Variants in ATP13A3 observed in about 807,000 individuals in gnomAD.
The protein encoded by ATP13A3 is polyamine-transporting ATPase 13A3.
ATP13A3 carries 59 observed loss-of-function variants against 158.1 expected under a neutral mutation model. The ratio of observed to expected loss-of-function variants is 0.37; its 90% CI spans 0.30 to 0.46. ATP13A3 has a LOEUF of 0.46. Among genes scored for constraint, ATP13A3 ranks in the 20% least tolerant of loss-of-function variants. The pLI, the probability that ATP13A3 is intolerant of heterozygous loss-of-function variation, is 1.00. For missense variants in ATP13A3, 1,166 were observed against 1,525.2 expected, an observed-to-expected ratio of 0.76 and a Z score of 3.92; for synonymous variants, 491 against 504.3, an observed-to-expected ratio of 0.97 and a Z score of 0.35.
chr3:194,472,628 C>T (rs1464348778), intron 2 of ATP13A3, among the ~76,000 whole-genome samples: 2 of 152,090 alleles, frequency 1.3e-5, no homozygotes, highest in African/African-American at 2.4e-5. Flanking sequence ...ACTATTCAAC[C>T]CAGCAATCCC....
chr3:194,434,742 C>A lies in ATP13A3; in HGVS notation c.2121-846G>T, dbSNP rs139317280. On this transcript the variant is annotated intron_variant, in intron 20 of 33. Coordinates refer to ENST00000645319, the MANE Select transcript of ATP13A3 (RefSeq NM_001367549.1). ...GGCCAGCCTGGGCAGCATAGTGAGA[C>A]CCCGTCTCTACAAAAAATGAAAAAA... 4.7e-3 allele frequency among the ~76,000 whole-genome samples: 719 copies of A among 152,176 alleles called. 7 individuals carry two copies. Among genetic ancestry groups the A allele is most frequent in the African/African-American group, 0.015 (638 of 41,518 alleles).
chr3:194,431,525 T>C (rs993270659), intron 22 of ATP13A3, among the ~76,000 whole-genome samples, 192 bp downstream of exon 22: 2 of 152,226 alleles, frequency 1.3e-5, no homozygotes, highest in East Asian at 1.9e-4. Flanking sequence ...CTTAGCTAAA[T>C]ATCAAAATTT....
chr3:194,452,955 T>C (rs186548658), intron 10 of ATP13A3: 1 of 152,266 alleles, frequency 6.6e-6, no homozygotes, highest in African/African-American at 2.4e-5. Flanking sequence ...AATACAATTT[T>C]ATATAAATAA....
chr3:194,477,813 AT>A (rs1720590977), intron 2 of ATP13A3, among the ~76,000 whole-genome samples: 1 of 152,180 alleles, frequency 6.6e-6, no homozygotes, highest in Admixed American at 6.5e-5. Flanking sequence ...ACTCCTACAG[AT>A]TAGCTGCAGT....
At chr3:194,426,063 G>A (rs113473863) in intron 29 of ATP13A3, among the ~76,000 whole-genome samples, 25 of 152,298 alleles carry the variant, frequency 1.6e-4, no homozygotes, top group African/African-American at 6.0e-4. Context: ...AACAGCTAAC[G>A]ATGAGAAGTC....
chr3:194,428,632 C>T (rs1716990276), intron 28 of ATP13A3, among the ~76,000 whole-genome samples: 1 of 152,008 alleles, frequency 6.6e-6, no homozygotes, highest in South Asian at 2.1e-4. Context: ...TGACTCAAAA[C>T]TTATTTTCAA....
chr3:194,477,835 G>A (rs1224043639), intron 2 of ATP13A3, among the ~76,000 whole-genome samples: 1 of 152,152 alleles, frequency 6.6e-6, no homozygotes, highest in East Asian at 1.9e-4. Flanking sequence ...GAGTGCTACA[G>A]GTAGAGACAG....
intron 31 of ATP13A3, 45 bp from the exon 32 acceptor site, chr3:194,413,884 C>A (rs923262861): frequency 6.1e-6 from 9 of 1,478,372 alleles, no homozygotes; most frequent in South Asian, 1.1e-5. Flanking sequence ...TGTATGTAGT[C>A]AATATTATAG....
chr3:194,469,850 T>A (rs1039266275), intron 2 of ATP13A3, among the ~76,000 whole-genome samples: 15 of 152,322 alleles, frequency 9.8e-5, no homozygotes, highest in African/African-American at 3.4e-4. Context: ...CAGTTCAAAA[T>A]CAGTTCTACT....
rs867505103 is a variant in ATP13A3, at chr3:194,405,565, G to C, written c.*354C>G. On this transcript the variant is annotated 3_prime_UTR_variant, in exon 34 of 34. Transcript: ENST00000645319. The stretch of plus-strand genomic sequence containing the variant: ...AGGGTTGTGAGCATAAATGTGAAGA[G>C]GTAAACTAGTCTCAAAAACTAATGT... The C allele has an allele frequency of 5.2e-4, 105 of 203,844 alleles. No individual in the cohort carries two copies. Among genetic ancestry groups the C allele is most frequent in the African/African-American group, 2.3e-3 (99 of 42,648 alleles). 12.6% of individuals were successfully genotyped at this position (203,844 alleles called of 1,614,324 possible).
chr3:194,409,829 G>A (rs1441574473), intron 33 of ATP13A3, among the ~76,000 whole-genome samples: 1 of 149,114 alleles, frequency 6.7e-6, no homozygotes, highest in African/African-American at 2.5e-5. Context: ...TGAGAACCAC[G>A]GCCTTATGGT....
intron 2 of ATP13A3, among the ~76,000 whole-genome samples, chr3:194,484,024 G>A (rs1441691618): frequency 6.6e-6 from 1 of 152,122 alleles, no homozygotes; most frequent in Non-Finnish European, 1.5e-5. Flanking sequence ...GTTCACAGTT[G>A]TGTGCTAAAA....
chr3:194,449,044 T>TACAC lies in ATP13A3; in HGVS notation c.971-412_971-409dup, dbSNP rs146993933. On this transcript the variant is annotated intron_variant, in intron 11 of 33. Coordinates refer to ENST00000645319, the MANE Select transcript of ATP13A3 (RefSeq NM_001367549.1). ...GTGAGGGCCTACCCCGATCCACCCCTACACACACACACACACACACACACA... is the reference window on the plus strand; with the variant it reads ...GTGAGGGCCTACCCCGATCCACCCCTACACACACACACACACACACACACACACA... Among the ~76,000 whole-genome samples, 256 of 134,984 alleles carry TACAC rather than the reference T, an allele frequency of 1.9e-3. 4 individuals are homozygous for TACAC. Among genetic ancestry groups the TACAC allele is most frequent in the Middle Eastern group, 0.011 (3 of 272 alleles). The allele number at this position is 134,984 out of a possible 152,430, so 88.6% of individuals were successfully genotyped here. A position where few individuals can be genotyped will look rare whatever the true frequency, so the allele number is the denominator to read the frequency against.
At chr3:194,479,975 T>G (rs1017609096) in intron 2 of ATP13A3, among the ~76,000 whole-genome samples, 2 of 152,124 alleles carry the variant, frequency 1.3e-5, no homozygotes, top group African/African-American at 4.8e-5. Flanking sequence ...AGATACAAAA[T>G]CATAGATTGT....
intron 10 of ATP13A3, chr3:194,452,755 T>G (rs926295716): frequency 1.3e-5 from 2 of 152,192 alleles, no homozygotes; most frequent in African/African-American, 4.8e-5. Flanking sequence ...CTAATTCAAA[T>G]AGTCATCACT....
chr3:194,440,467 C>A (rs80019982), intron 16 of ATP13A3, among the ~76,000 whole-genome samples: 10 of 152,126 alleles, frequency 6.6e-5, no homozygotes, highest in Non-Finnish European at 1.3e-4. Context: ...ACTTTAAGAA[C>A]CCCTGTCGAT....
chr3:194,472,900 A>T (rs73073149), intron 2 of ATP13A3, among the ~76,000 whole-genome samples: 13,430 of 152,234 alleles, frequency 0.088, 1,680 homozygotes, highest in African/African-American at 0.28. Context: ...TAATGCAGAA[A>T]CAGAAAACCA....
At chr3:194,418,783 C>G (rs1054230393) in intron 31 of ATP13A3, among the ~76,000 whole-genome samples, 1 of 152,156 alleles carries the variant, frequency 6.6e-6, no homozygotes, top group Non-Finnish European at 1.5e-5. Flanking sequence ...GCAGAGGAAA[C>G]TTTTGTCCCT....
At chr3:194,454,047 G>A (rs535107058) in intron 9 of ATP13A3, among the ~76,000 whole-genome samples, 1 of 152,240 alleles carries the variant, frequency 6.6e-6, no homozygotes, top group Non-Finnish European at 1.5e-5. Flanking sequence ...CAGTCAAGTG[G>A]TAGAGTCTTG....
Sources: gnomAD v4.1 joint callset for allele counts (sites outside exome capture counted in the v4.1 genomes callset) on GRCh38, gnomAD v4.1.1 for gene constraint, MANE v1.5 for transcripts, NCBI Gene and HGNC (gene_info 2026-07-23, HGNC 2026-07-21) for gene names.